ZP1: variants seen among roughly 807,000 people sequenced by gnomAD.
The protein encoded by ZP1 is zona pellucida sperm-binding protein 1.
In ZP1, 58 loss-of-function variants were observed where a neutral mutation model predicts 67.4. The observed-to-expected ratio is 0.86, with a 90% CI of 0.70 to 1.07. The LOEUF (loss-of-function observed/expected upper bound fraction) is 1.07, where lower values mean the gene tolerates loss of function less well. Among genes scored for constraint, ZP1 ranks in the 50% least tolerant of loss-of-function variants. The pLI is 0.00. For synonymous variants in ZP1, 333 were observed against 332.7 expected, an observed-to-expected ratio of 1.00 and a Z score of -0.01; for missense variants, 759 against 807.3, an observed-to-expected ratio of 0.94 and a Z score of 0.72.
intron 9 of ZP1, 46 bp from the exon 10 acceptor site, chr11:60,874,887 C>T (rs758034627): frequency 3.1e-5 from 49 of 1,586,314 alleles, no homozygotes; most frequent in South Asian, 2.5e-4. Context: ...GCTTCCTGCC[C>T]GGTGGCACTG....
rs141318014 is a variant in ZP1, at chr11:60,873,187, G to A, written c.1138G>A (p.Ala380Thr). Residue 380 changes from alanine to threonine, a missense_variant, in exon 7 of 12, where the codon GCC (alanine) becomes ACC (threonine). Ala to Thr is a moderately conservative substitution (Grantham distance 58). Coordinates refer to ENST00000278853, the MANE Select transcript of ZP1 (RefSeq NM_207341.4). ...GCTTCATGTGCGCTGTGTCTTCAAC[G>A]CCAGTGACTTCCTGCCCATTCAGGC... ...FQLHVRCVFN[A>T]SDFLPIQASI... 387 of 1,602,438 alleles carry A rather than the reference G, an allele frequency of 2.4e-4. 3 individuals are homozygous for A. In the East Asian group the frequency reaches 2.5e-3, roughly 10 times the overall value.
intron 3 of ZP1, 59 bp downstream of exon 3, chr11:60,869,959 G>A: frequency 1.3e-6 from 2 of 1,495,884 alleles, no homozygotes; most frequent in Non-Finnish European, 1.8e-6. Context: ...AGTACAGGGT[G>A]GCCTAACAGC....
In ZP1 at chr11:60,871,316, T is replaced by C; in HGVS notation, c.1112+2T>C. 1 of 1,613,478 alleles carries C rather than the reference T, an allele frequency of 6.2e-7. No homozygotes were observed. Among genetic ancestry groups the C allele is most frequent in the Admixed American group, 1.7e-5 (1 of 59,994 alleles). ...CATCACGCGGGACAGCACCTTCCAG[T>C]AAGGGCAGCCCTCCTCCTACAGGCG... On this transcript the variant is annotated splice_donor_variant, in intron 6 of 11. Transcript: ENST00000278853. LOFTEE classifies it high-confidence loss of function.
chr11:60,873,445 T>C lies in ZP1; in HGVS notation c.1311T>C (p.His437=), dbSNP rs1321283486. 4.3e-6 allele frequency: 7 copies of C among 1,613,336 alleles called. No homozygotes were observed. Among genetic ancestry groups the C allele is most frequent in the South Asian group, 3.3e-5 (3 of 91,052 alleles). ...PIVRLLREPV[H]VEVRLLQRTD... The stretch of plus-strand genomic sequence containing the variant: ...TGAGGCTGCTCCGAGAACCAGTCCA[T>C]GTGGAGGTCCGGCTTCTGCAGAGGA... The change falls in exon 8 of 12, where the codon CAT becomes CAC. Residue 437 remains histidine (H), a synonymous_variant. Coordinates refer to ENST00000278853, the MANE Select transcript of ZP1 (RefSeq NM_207341.4).
intron 9 of ZP1, 111 bp from the exon 10 acceptor site, chr11:60,874,822 G>A: frequency 1.0e-6 from 1 of 990,180 alleles, no homozygotes; most frequent in Admixed American, 1.9e-5. Flanking sequence ...TCCCTGCCTG[G>A]CTAGCAGCAG....
chr11:60,871,571 G>C (rs1021879678), intron 6 of ZP1, among the ~76,000 whole-genome samples: 5 of 152,202 alleles, frequency 3.3e-5, no homozygotes, highest in Admixed American at 3.3e-4. Context: ...TAGAAGCCCA[G>C]GGCCAGTCCT....
rs200020834 is a variant in ZP1 at position 60,870,421 on chromosome 11, G to A, written c.772G>A (p.Ala258Thr). The part of the protein sequence containing the change: ...RRTSKEACQQ[A>T]GCCYDNTREV... ...AACTTCAAAAGAAGCCTGTCAGCAG[G>A]CTGGCTGCTGCTATGACAACACCAG... The change falls in exon 4 of 12, where the codon GCT (alanine) becomes ACT (threonine). Residue 258 changes from alanine to threonine, a missense_variant. Coordinates refer to ENST00000278853, the MANE Select transcript of ZP1 (RefSeq NM_207341.4). 26 of 1,613,382 alleles carry A rather than the reference G, an allele frequency of 1.6e-5. No homozygotes were observed. The African/African-American group carries it at 2.5e-4, about 16-fold the overall frequency.
intron 8 of ZP1, 31 bp from the exon 9 acceptor site, chr11:60,873,603 T>A (rs1193461710): frequency 6.2e-7 from 1 of 1,613,986 alleles, no homozygotes; most frequent in Admixed American, 1.7e-5. Context: ...CTCTGCCTCC[T>A]GTAAACAGCC....
At chr11:60,870,828 A>G in intron 4 of ZP1, 129 bp from the exon 5 acceptor site, 1 of 1,079,428 alleles carries the variant, frequency 9.3e-7, no homozygotes, top group Non-Finnish European at 1.3e-6. Context: ...TGGGGCCAAC[A>G]CCAGCCTAAG....
chr11:60,873,332 T>A (rs772819173), intron 7 of ZP1, 43 bp downstream of exon 7: 1 of 1,589,032 alleles, frequency 6.3e-7, no homozygotes, highest in African/African-American at 1.3e-5. Flanking sequence ...CCCACTTCCC[T>A]GATGCACAGC....
chr11:60,870,455 CCT>C lies in ZP1; in HGVS notation c.807_808del (p.Cys270LeufsTer77), dbSNP rs1565102949. 6 of 1,610,790 alleles carry C rather than the reference CCT, an allele frequency of 3.7e-6. No individual in the cohort carries two copies. The highest frequency in any genetic ancestry group is 3.4e-6 in the Non-Finnish European group (4 of 1,178,676). ...TGCTATGACAACACCAGAGAGGTTC[CCT>C]GTTACTATGGCAACACAGGTACAAC... On this transcript the variant is annotated frameshift_variant, in exon 4 of 12. Coordinates refer to ENST00000278853, the MANE Select transcript of ZP1 (RefSeq NM_207341.4). LOFTEE classifies it high-confidence loss of function.
rs879209502 is a variant in ZP1 at position 60,873,210 on chromosome 11, G to A, written c.1161G>A (p.Gln387=). 3 of 1,608,080 alleles carry A rather than the reference G, an allele frequency of 1.9e-6. No homozygotes were observed. The highest frequency in any genetic ancestry group is 2.2e-5 in the South Asian group (2 of 90,010). ...ACGCCAGTGACTTCCTGCCCATTCA[G>A]GCATCCATTTTCCCACCCCCATCGC... ...VFNASDFLPI[Q]ASIFPPPSPA... is the part of the protein sequence containing the mutation. Residue 387 remains glutamine, a synonymous_variant, in exon 7 of 12, where the codon CAG becomes CAA. Transcript: ENST00000278853.
At chr11:60,872,959 G>A (rs1408642399) in intron 6 of ZP1, among the ~76,000 whole-genome samples, 3 of 152,172 alleles carry the variant, frequency 2.0e-5, no homozygotes, top group Non-Finnish European at 4.4e-5. Context: ...CCATCCCAGG[G>A]AGACCAGGTG....
intron 6 of ZP1, among the ~76,000 whole-genome samples, chr11:60,872,256 C>T (rs1855586413): frequency 6.6e-6 from 1 of 152,044 alleles, no homozygotes; most frequent in Non-Finnish European, 1.5e-5. Flanking sequence ...TGGTGGAGGA[C>T]AAGTCTGTGT....
Position 60,870,960 on chromosome 11 carries a change from C to T in ZP1, c.830C>T (p.Thr277Ile). The T allele has an allele frequency of 6.2e-7, 1 of 1,613,044 alleles. No individual in the cohort carries two copies. Among genetic ancestry groups the T allele is most frequent in the Non-Finnish European group, 8.5e-7 (1 of 1,179,368 alleles). ...CCCTCATCTGCCTTTGTCCCAGCTA[C>T]TGTCCAGTGCTTCAGAGATGGCTAC... ...EVPCYYGNTA[T>I]VQCFRDGYFV... Residue 277 changes from threonine to isoleucine, a missense_variant, in exon 5 of 12, where the codon ACT becomes ATT. Thr to Ile is a moderately conservative substitution (Grantham distance 89). Coordinates refer to ENST00000278853, the MANE Select transcript of ZP1 (RefSeq NM_207341.4).
Position 60,869,718 on chromosome 11 carries a change from C to A in ZP1, c.500C>A (p.Thr167Asn). The A allele has an allele frequency of 6.2e-7, 1 of 1,613,992 alleles. No homozygotes were observed. The highest frequency in any genetic ancestry group is 1.1e-5 in the South Asian group (1 of 91,064). Reference protein sequence around the residue: ...STPQTLSFLPTSGHTSQGSGH... With the variant: ...STPQTLSFLPNSGHTSQGSGH... ...CCACAAACCCTTTCCTTCCTCCCCA[C>A]CTCTGGCCATACCTCCCAAGGCTCT... The change falls in exon 3 of 12, where the codon ACC (threonine) becomes AAC (asparagine). Residue 167 changes from threonine to asparagine, a missense_variant. Physicochemically the swap from Thr to Asn is moderately conservative, Grantham distance 65 (BLOSUM62 0). Transcript: ENST00000278853.
rs1245729039 is a variant in ZP1 at position 60,869,138 on chromosome 11, AC to A, written c.197-6del. 6.2e-7 allele frequency: 1 copy of A among 1,613,360 alleles called. No individual in the cohort carries two copies. Among genetic ancestry groups the A allele is most frequent in the South Asian group, 1.1e-5 (1 of 91,012 alleles). ...CATCCCTGGCCCCTCCCCTTCCCCC[AC>A]TGCAGATGAATTTGGGAACCGATTT... On this transcript the variant is annotated splice_polypyrimidine_tract_variant and splice_region_variant and intron_variant, in intron 1 of 11. Transcript: ENST00000278853.
rs758656302 is a variant in ZP1 at position 60,870,475 on chromosome 11, G to A, written c.826G>A (p.Ala276Thr). ...REVPCYYGNT[A>T]TVQCFRDGYF... ...GGTTCCCTGTTACTATGGCAACACA[G>A]GTACAACCTCCCACCCCAGCAAGAT... The change falls in exon 4 of 12, where the codon GCT becomes ACT. Residue 276 changes from alanine to threonine, a missense_variant and splice_region_variant. By Grantham distance (58) the Ala-to-Thr change is moderately conservative. Coordinates refer to ENST00000278853, the MANE Select transcript of ZP1 (RefSeq NM_207341.4). 6.2e-7 allele frequency: 1 copy of A among 1,602,600 alleles called. No homozygotes were observed. The highest frequency in any genetic ancestry group is 8.5e-7 in the Non-Finnish European group (1 of 1,173,858).
chr11:60,873,255 C>A lies in ZP1; in HGVS notation c.1206C>A (p.Pro402=), dbSNP rs151198562. 6.3e-7 allele frequency: 1 copy of A among 1,594,206 alleles called. No homozygotes were observed. The highest frequency in any genetic ancestry group is 1.7e-5 in the Admixed American group (1 of 58,600). Residue 402 remains proline, a synonymous_variant, in exon 7 of 12, where the codon CCC becomes CCA. Transcript: ENST00000278853. The part of the protein sequence containing the change: ...PPPSPAPMTQ[P]GPLRLELRIA... ...CATCGCCTGCTCCTATGACCCAGCC[C>A]GGCCCCCTGCGGCTTGAGCTGCGGA...
Sources: allele counts gnomAD v4.1 joint callset (sites outside exome capture counted in the v4.1 genomes callset), GRCh38; gene constraint gnomAD v4.1.1; transcripts MANE v1.5; gene names NCBI Gene and HGNC (gene_info 2026-07-23, HGNC 2026-07-21).